Variants in ANK2 observed in about 807,000 individuals in gnomAD.
The protein encoded by ANK2 is ankyrin-2.
Under a neutral mutation model 360.5 loss-of-function variants are expected in ANK2, and 83 were observed. The observed-to-expected ratio is 0.23, with a 90% CI of 0.19 to 0.28. The LOEUF (loss-of-function observed/expected upper bound fraction) is 0.28. ANK2 is among the 10% of genes least tolerant of loss of function. ANK2 has a pLI of 1.00. For missense variants in ANK2, 4,201 were observed against 4,795.7 expected (o/e 0.88, Z 3.66); for synonymous variants, 1,740 against 1,759.5 (o/e 0.99, Z 0.28).
chr4:113,335,088 G>C (rs187747385), intron 29 of ANK2, among the ~76,000 whole-genome samples: 1 of 152,118 alleles, frequency 6.6e-6, no homozygotes, highest in African/African-American at 2.4e-5. Context: ...AAAATTCAGT[G>C]ATCTATATAG....
At chr4:113,315,853 C>T (rs535041237) in intron 24 of ANK2, among the ~76,000 whole-genome samples, 11 of 146,286 alleles carry the variant, frequency 7.5e-5, no homozygotes, top group East Asian at 2.0e-4. Flanking sequence ...GCCACGATCG[C>T]GCCACTGCAC....
At chr4:113,364,806 T>C (rs757069555) in intron 40 of ANK2, among the ~76,000 whole-genome samples, 2 of 152,220 alleles carry the variant, frequency 1.3e-5, no homozygotes, top group African/African-American at 2.4e-5. Flanking sequence ...TCAGGTATGG[T>C]GGGTGTCCTG....
At chr4:112,762,767 C>T in the ANK2 span, among the ~76,000 whole-genome samples, 2 of 152,240 alleles carry the variant, frequency 1.3e-5, no homozygotes, top group African/African-American at 2.4e-5. Flanking sequence ...GCCTTGGCCT[C>T]CCAAAGTGCT....
intron 2 of ANK2, among the ~76,000 whole-genome samples, chr4:112,997,452 CA>C (rs2048968053): frequency 6.6e-6 from 1 of 152,088 alleles, no homozygotes. Flanking sequence ...ATATGCTTAA[CA>C]GATATCTAAC....
chr4:113,091,397 A>G (rs1045212351), intron 1 of ANK2, among the ~76,000 whole-genome samples: 2 of 152,234 alleles, frequency 1.3e-5, no homozygotes, highest in Non-Finnish European at 2.9e-5. Flanking sequence ...GGATTGGCAC[A>G]GTCTTTAAGA....
chr4:113,154,609 C>T (rs894093887), intron 1 of ANK2, among the ~76,000 whole-genome samples: 1 of 152,098 alleles, frequency 6.6e-6, no homozygotes, highest in African/African-American at 2.4e-5. Context: ...ATTAGATACT[C>T]TCTATATTTT....
intron 18 of ANK2, among the ~76,000 whole-genome samples, chr4:113,286,744 A>C (rs2064808286): frequency 6.6e-6 from 1 of 152,186 alleles, no homozygotes; most frequent in Non-Finnish European, 1.5e-5. Flanking sequence ...GGGGAGAGAA[A>C]TATACAGTAT....
upstream of ANK2, among the ~76,000 whole-genome samples, chr4:113,047,670 G>T (rs577780133): frequency 1.6e-5 from 1 of 63,226 alleles, no homozygotes; most frequent in East Asian, 6.6e-4. Flanking sequence ...GCTCTTTGGG[G>T]TTTTGTTTTA....
chr4:113,143,927 G>A (rs1185263838), intron 1 of ANK2, among the ~76,000 whole-genome samples: 2 of 152,150 alleles, frequency 1.3e-5, no homozygotes, highest in Non-Finnish European at 2.9e-5. Context: ...CAGGAAACAT[G>A]AAAGGCTTTG....
chr4:112,757,257 C>T, the ANK2 span, among the ~76,000 whole-genome samples: 1 of 151,704 alleles, frequency 6.6e-6, no homozygotes, highest in Non-Finnish European at 1.5e-5. Context: ...GGATTACAGA[C>T]GCCCGCCACC....
intron 26 of ANK2, among the ~76,000 whole-genome samples, chr4:113,322,636 T>C (rs1168019870): frequency 2.0e-5 from 3 of 152,226 alleles, no homozygotes; most frequent in Non-Finnish European, 4.4e-5. Context: ...TTCATTAAAA[T>C]GTCCTACACA....
rs72900040 is a variant in ANK2 at position 113,288,690 on chromosome 4, A to G, written c.2277+204A>G. ...CATCCATGAAGGTTAGCTTCGAACT[A>G]CTTCTATTATAAAGTTAAAGTAGCT... is the stretch of plus-strand genomic sequence containing the variant. On this transcript the variant is annotated intron_variant, in intron 20 of 45. Coordinates refer to ENST00000357077, the MANE Select transcript of ANK2 (RefSeq NM_001148.6). Among the ~76,000 whole-genome samples, 853 of 152,254 alleles carry G rather than the reference A, an allele frequency of 5.6e-3. 11 individuals are homozygous for G. The highest frequency in any genetic ancestry group is 0.02 in the African/African-American group (813 of 41,538).
intron 1 of ANK2, among the ~76,000 whole-genome samples, chr4:112,858,906 G>C (rs2067139264): frequency 6.6e-6 from 1 of 152,102 alleles, no homozygotes; most frequent in Non-Finnish European, 1.5e-5. Flanking sequence ...GTCTCCTCCC[G>C]TAAAACCTTT....
At chr4:112,926,420 T>C (rs940928223) in intron 2 of ANK2, among the ~76,000 whole-genome samples, 2 of 152,220 alleles carry the variant, frequency 1.3e-5, no homozygotes, top group Non-Finnish European at 2.9e-5. Flanking sequence ...TGTCTGAGGT[T>C]CTACCATGCC....
chr4:112,746,003 G>T, the ANK2 span, among the ~76,000 whole-genome samples: 1 of 150,170 alleles, frequency 6.7e-6, no homozygotes, highest in Non-Finnish European at 1.5e-5. Flanking sequence ...TGTTATTGTT[G>T]TTTTTTTTCA....
chr4:113,351,153 A>AAATCTGAT (rs1230413966), intron 37 of ANK2, among the ~76,000 whole-genome samples: 6 of 152,140 alleles, frequency 3.9e-5, no homozygotes, highest in African/African-American at 1.4e-4. Flanking sequence ...TGCTTTTTAA[A>AAATCTGAT]AATCTGATTT....
At chr4:113,081,895 C>T (rs915770026) in intron 1 of ANK2, among the ~76,000 whole-genome samples, 6 of 151,714 alleles carry the variant, frequency 4.0e-5, no homozygotes, top group African/African-American at 1.2e-4. Context: ...CTGCAACTTC[C>T]GCTGCCTGGG....
At position 113,242,108 on chromosome 4, in the gene ANK2, T is replaced by C. The variant is rs993643859; in HGVS notation, c.793-3T>C. Reference sequence around the variant, plus strand: ...GCTCTTGTTTGGTCTTTCTGTGGTGTAGAATGGAATCACTCCTCTGCATGT... The same window carrying C: ...GCTCTTGTTTGGTCTTTCTGTGGTGCAGAATGGAATCACTCCTCTGCATGT... On this transcript the variant is annotated splice_polypyrimidine_tract_variant and splice_region_variant and intron_variant, in intron 8 of 45. Transcript: ENST00000357077. 1.2e-6 allele frequency: 2 copies of C among 1,612,242 alleles called. No individual in the cohort carries two copies. Among genetic ancestry groups the C allele is most frequent in the Non-Finnish European group, 8.5e-7 (1 of 1,178,342 alleles).
intron 1 of ANK2, among the ~76,000 whole-genome samples, chr4:112,835,849 A>C (rs970342285): frequency 6.6e-6 from 1 of 152,208 alleles, no homozygotes; most frequent in Non-Finnish European, 1.5e-5. Flanking sequence ...GATGTTCAAT[A>C]AATAGTGCCA....
Sources: allele counts gnomAD v4.1 joint callset (sites outside exome capture counted in the v4.1 genomes callset), GRCh38; gene constraint gnomAD v4.1.1; transcripts MANE v1.5; gene names NCBI Gene and HGNC (gene_info 2026-07-23, HGNC 2026-07-21).